Variants in EPHB1 observed in about 807,000 individuals in gnomAD.
EPHB1 encodes EPH receptor B1.
Under a neutral mutation model 94.4 loss-of-function variants are expected in EPHB1, and 30 were observed. The ratio of observed to expected loss-of-function variants is 0.32; its 90% CI spans 0.24 to 0.43. The LOEUF is 0.43. Ranked by LOEUF, EPHB1 falls within the 20% of genes least tolerant of loss-of-function variation. The pLI is 1.00. For synonymous variants in EPHB1, 522 were observed against 489.1 expected, an observed-to-expected ratio of 1.07 and a Z score of -0.89; for missense variants, 1,055 against 1,308.3, an observed-to-expected ratio of 0.81 and a Z score of 2.99.
intron 1 of EPHB1, among the ~76,000 whole-genome samples, chr3:134,917,706 T>G (rs2038602752): frequency 6.6e-6 from 1 of 152,246 alleles, no homozygotes; most frequent in African/African-American, 2.4e-5. Context: ...AGTCAGTCAT[T>G]CAGCAGATGG....
At chr3:135,223,100 A>T (rs1245525029) in intron 12 of EPHB1, among the ~76,000 whole-genome samples, 1 of 152,250 alleles carries the variant, frequency 6.6e-6, no homozygotes, top group African/African-American at 2.4e-5. Context: ...TTGAAACATC[A>T]GTAAGCCTAA....
intron 12 of EPHB1, among the ~76,000 whole-genome samples, chr3:135,222,315 G>T (rs1943293151): frequency 6.6e-6 from 1 of 152,184 alleles, no homozygotes; most frequent in Admixed American, 6.5e-5. Flanking sequence ...CATAAAATGG[G>T]AATGGGGATC....
At chr3:134,994,993 T>C (rs1934942221) in intron 3 of EPHB1, among the ~76,000 whole-genome samples, 2 of 151,710 alleles carry the variant, frequency 1.3e-5, no homozygotes, top group Admixed American at 1.3e-4. Flanking sequence ...CACTTGTGTG[T>C]GTGTGTGTGT....
intron 1 of EPHB1, among the ~76,000 whole-genome samples, chr3:134,816,507 C>T (rs1323408231): frequency 1.3e-5 from 2 of 152,046 alleles, no homozygotes; most frequent in African/African-American, 2.4e-5. Flanking sequence ...GTGTGTTCGT[C>T]CCGTAAGTGG....
intron 14 of EPHB1, among the ~76,000 whole-genome samples, 164 bp downstream of exon 14, chr3:135,248,673 A>ACAT (rs1943987440): frequency 6.6e-6 from 1 of 151,992 alleles, no homozygotes; most frequent in African/African-American, 2.4e-5. Context: ...AGACAGGAGA[A>ACAT]CATTGCAATG....
At chr3:135,143,168 G>C (rs984718738) in intron 5 of EPHB1, among the ~76,000 whole-genome samples, 1 of 152,012 alleles carries the variant, frequency 6.6e-6, no homozygotes, top group African/African-American at 2.4e-5. Flanking sequence ...GAGGGCCCAG[G>C]GTGGGGGTGG....
At chr3:134,970,604 G>C (rs913671164) in intron 3 of EPHB1, among the ~76,000 whole-genome samples, 4 of 152,184 alleles carry the variant, frequency 2.6e-5, no homozygotes, top group African/African-American at 9.7e-5. Flanking sequence ...ATGTGTGTGT[G>C]TATGTAGGGA....
At chr3:134,933,860 G>T (rs977251730) in intron 2 of EPHB1, among the ~76,000 whole-genome samples, 6 of 152,102 alleles carry the variant, frequency 3.9e-5, no homozygotes, top group African/African-American at 1.4e-4. Context: ...TCTGCAAAAG[G>T]TTTTCTTTTT....
In EPHB1 at chr3:135,259,093, A is replaced by G. The variant is rs2107736333; in HGVS notation, c.2928A>G (p.Ile976Met). 1.9e-6 allele frequency: 3 copies of G among 1,610,032 alleles called. No individual in the cohort carries two copies. The highest frequency in any genetic ancestry group is 2.5e-6 in the Non-Finnish European group (3 of 1,178,326). The change falls in exon 16 of 16, where the codon ATA becomes ATG. Residue 976 changes from isoleucine to methionine, a missense_variant. Transcript: ENST00000398015. ...GCATTCATTCTATGAGGGTCCAGAT[A>G]AGTCAGTCACCAACGGCAATGGCAT... ...LNSIHSMRVQ[I>M]SQSPTAMA is the part of the protein sequence containing the mutation.
At chr3:135,011,017 C>T (rs551085155) in intron 3 of EPHB1, among the ~76,000 whole-genome samples, 61 of 152,262 alleles carry the variant, frequency 4.0e-4, no homozygotes, top group African/African-American at 1.3e-3. Context: ...TATTCGCCAC[C>T]CACCTCCCAC....
intron 10 of EPHB1, among the ~76,000 whole-genome samples, chr3:135,183,026 TTTTCTTTCTTTC>T (rs373601553): frequency 0.03 from 2,797 of 94,110 alleles, 82 homozygotes; most frequent in Non-Finnish European, 0.041. Flanking sequence ...TTTTCTTTTC[TTTTCTTTCTTTC>T]TTTCTTTCTT....
At chr3:135,085,500 C>T (rs1938326912) in intron 3 of EPHB1, among the ~76,000 whole-genome samples, 1 of 152,220 alleles carries the variant, frequency 6.6e-6, no homozygotes, top group African/African-American at 2.4e-5. Context: ...CCTTGGAGCC[C>T]AGGTTTACTG....
chr3:135,159,434 T>C (rs1178245055), intron 6 of EPHB1, among the ~76,000 whole-genome samples: 4 of 152,236 alleles, frequency 2.6e-5, no homozygotes, highest in Non-Finnish European at 5.9e-5. Context: ...CAGTGCCTGA[T>C]TTCAGCAGAT....
chr3:135,226,766 C>T (rs1330874019), intron 12 of EPHB1, among the ~76,000 whole-genome samples: 1 of 151,948 alleles, frequency 6.6e-6, no homozygotes, highest in Non-Finnish European at 1.5e-5. Flanking sequence ...CTCTAGAATG[C>T]CATATTTTTT....
At chr3:134,913,051 T>C (rs1309425906) in intron 1 of EPHB1, among the ~76,000 whole-genome samples, 10 of 152,252 alleles carry the variant, frequency 6.6e-5, no homozygotes, top group African/African-American at 2.4e-4. Context: ...TGGTTTTCCA[T>C]TTTCCTTGTT....
intron 3 of EPHB1, 52 bp from the exon 4 acceptor site, chr3:135,106,396 T>A: frequency 6.2e-7 from 1 of 1,604,586 alleles, no homozygotes. Flanking sequence ...TAGGGAAGAG[T>A]TTCTGGCTGC....
intron 9 of EPHB1, among the ~76,000 whole-genome samples, chr3:135,167,584 C>A (rs1301734261): frequency 6.6e-6 from 1 of 152,142 alleles, no homozygotes; most frequent in African/African-American, 2.4e-5. Context: ...ACTAAAATTT[C>A]TTTTCACCAA....
intron 1 of EPHB1, among the ~76,000 whole-genome samples, chr3:134,924,662 C>T (rs1403196636): frequency 2.0e-5 from 3 of 152,134 alleles, no homozygotes; most frequent in African/African-American, 7.2e-5. Context: ...CTGGAAACAA[C>T]AGGTGAATGA....
chr3:135,165,918 T>A, intron 7 of EPHB1, 50 bp from the exon 8 acceptor site: 1 of 1,336,856 alleles, frequency 7.5e-7, no homozygotes, highest in Non-Finnish European at 1.1e-6. Context: ...GAGTATCAGC[T>A]GTATGCAAAA....
Sources: allele counts gnomAD v4.1 joint callset (sites outside exome capture counted in the v4.1 genomes callset), GRCh38; gene constraint gnomAD v4.1.1; transcripts MANE v1.5; gene names NCBI Gene and HGNC (gene_info 2026-07-23, HGNC 2026-07-21).